Variants in GCFC2 observed in about 807,000 individuals in gnomAD.
GCFC2 encodes intron Large complex component GCFC2.
Under a neutral mutation model 99.4 loss-of-function variants are expected in GCFC2, and 102 were observed. That is an observed-to-expected ratio of 1.03 (90% CI 0.87 to 1.21). GCFC2 has a LOEUF of 1.21. GCFC2 is among the 50% of genes most tolerant of loss of function. The probability of loss-of-function intolerance (pLI) is 0.00; values close to 1 mark genes in which losing one functional copy is unlikely to be tolerated. For synonymous variants in GCFC2, 338 were observed against 316.8 expected, an observed-to-expected ratio of 1.07 and a Z score of -0.71; for missense variants, 973 against 920.9, an observed-to-expected ratio of 1.06 and a Z score of -0.73.
In GCFC2 at chr2:75,669,586, G is replaced by A. The variant is rs543141649; in HGVS notation, c.2103+552C>T. On this transcript the variant is annotated intron_variant, in intron 15 of 16. Transcript: ENST00000321027. The stretch of plus-strand genomic sequence containing the variant: ...TTTTTGGTGTATAGTGAGAGGTGAG[G>A]ACTTAACATTCTTTTTGTAAACAGC... Among the ~76,000 whole-genome samples, 7 of 152,166 alleles carry A rather than the reference G, an allele frequency of 4.6e-5. No individual in the cohort carries two copies. The East Asian group carries it at 9.7e-4, about 21-fold the overall frequency.
At chr2:75,666,089 A>G (rs777906677) in intron 15 of GCFC2, 36 bp from the exon 16 acceptor site, 3 of 1,540,032 alleles carry the variant, frequency 1.9e-6, no homozygotes, top group South Asian at 2.4e-5. Context: ...TTACAATGAC[A>G]GTTATCTAAG....
chr2:75,684,900 T>G (rs1482958144), intron 11 of GCFC2, among the ~76,000 whole-genome samples: 1 of 152,188 alleles, frequency 6.6e-6, no homozygotes, highest in Non-Finnish European at 1.5e-5. Flanking sequence ...GTTTATGTCC[T>G]TTGCAGGGAC....
At chr2:75,666,515 A>G (rs1190941506) in intron 15 of GCFC2, among the ~76,000 whole-genome samples, 4 of 152,168 alleles carry the variant, frequency 2.6e-5, no homozygotes, top group Admixed American at 6.5e-5. Flanking sequence ...ATGAAAGATA[A>G]ATTAATTATG....
intron 12 of GCFC2, among the ~76,000 whole-genome samples, chr2:75,676,954 T>C (rs1255275142): frequency 3.3e-5 from 5 of 152,188 alleles, no homozygotes; most frequent in African/African-American, 1.2e-4. Flanking sequence ...AATAAAAATA[T>C]TGAACAGGGC....
rs1326766595 is a variant in GCFC2, at chr2:75,694,327, T to C, written c.934A>G (p.Ser312Gly). ...CAATTTAGAGCTTGATTTGATGAAC[T>C]CTCTAGGTTCTGGATGGTACTCTTT... ...SSKSTIQNLESSSNQALNCKF... is the reference protein window; with the variant it reads ...SSKSTIQNLEGSSNQALNCKF... Residue 312 changes from serine to glycine, a missense_variant, in exon 6 of 17, where the codon AGT becomes GGT. Physicochemically the swap from Ser to Gly is moderately conservative, Grantham distance 56 (BLOSUM62 0). Coordinates refer to ENST00000321027, the MANE Select transcript of GCFC2 (RefSeq NM_003203.5). 1.4e-6 allele frequency: 2 copies of C among 1,384,826 alleles called. No individual in the cohort carries two copies. Among genetic ancestry groups the C allele is most frequent in the Non-Finnish European group, 2.0e-6 (2 of 987,118 alleles). 85.8% of individuals were successfully genotyped at this position (1,384,826 alleles called of 1,614,324 possible).
At chr2:75,706,079 ATC>A (rs1680850438) in intron 2 of GCFC2, among the ~76,000 whole-genome samples, 1 of 152,216 alleles carries the variant, frequency 6.6e-6, no homozygotes, top group East Asian at 1.9e-4. Flanking sequence ...GCCCTGTATA[ATC>A]TGACTCCAAC....
chr2:75,669,789 A>G (rs1679007092), intron 15 of GCFC2, among the ~76,000 whole-genome samples: 1 of 152,002 alleles, frequency 6.6e-6, no homozygotes, highest in Non-Finnish European at 1.5e-5. Flanking sequence ...CTGGAGTGCA[A>G]TGGCGGCTCA....
chr2:75,689,254 T>A (rs36039114), intron 9 of GCFC2, 29 bp from the exon 10 acceptor site: 18,641 of 1,274,034 alleles, frequency 0.015, 203 homozygotes, highest in South Asian at 0.04. Flanking sequence ...TCTTTATGCA[T>A]TTTAAGTTGT....
chr2:75,696,601 T>A (rs1196860874), intron 4 of GCFC2, among the ~76,000 whole-genome samples: 1 of 152,160 alleles, frequency 6.6e-6, no homozygotes, highest in African/African-American at 2.4e-5. Flanking sequence ...AGTCACCCAG[T>A]TTTTTAAGAA....
upstream of GCFC2, chr2:75,711,077 C>T: frequency 1.5e-6 from 2 of 1,306,600 alleles, no homozygotes; most frequent in South Asian, 4.7e-5. Context: ...GCAAAGCATT[C>T]CCTTTGCCAG....
At chr2:75,689,426 C>T (rs949905171) in intron 9 of GCFC2, among the ~76,000 whole-genome samples, 8 of 152,074 alleles carry the variant, frequency 5.3e-5, no homozygotes, top group South Asian at 2.1e-4. Context: ...CCCTGCTATA[C>T]GCAGAAATAC....
chr2:75,663,407 CCT>C lies in GCFC2; in HGVS notation c.*1257_*1258del, dbSNP rs1478930292. The stretch of plus-strand genomic sequence containing the variant: ...AATTTCTTTTGATTAAATTATCTTG[CCT>C]CTGTTTTATTAGACAAATATTTTAT... On this transcript the variant is annotated 3_prime_UTR_variant, in exon 17 of 17. Transcript: ENST00000321027. 3.9e-5 allele frequency: 6 copies of C among 151,998 alleles called. No individual in the cohort carries two copies. Among genetic ancestry groups the C allele is most frequent in the African/African-American group, 1.2e-4 (5 of 41,402 alleles). The allele number at this position is 151,998 out of a possible 1,614,324, so 9.4% of individuals were successfully genotyped here.
Position 75,688,905 on chromosome 2 carries a change from C to G in GCFC2, c.1539+121G>C, listed in dbSNP as rs1404791109. Reference sequence around the variant, plus strand: ...AAGCACACATTTTCTGACTATTGTTCCAAAGCTCTAAATTTCAGCTCCGAC... The same window carrying G: ...AAGCACACATTTTCTGACTATTGTTGCAAAGCTCTAAATTTCAGCTCCGAC... On this transcript the variant is annotated intron_variant, in intron 10 of 16. Transcript: ENST00000321027. 4 of 604,232 alleles carry G rather than the reference C, an allele frequency of 6.6e-6. No individual in the cohort carries two copies. In the East Asian group the frequency reaches 1.2e-4, roughly 18 times the overall value. 37.4% of individuals were successfully genotyped at this position (604,232 alleles called of 1,614,324 possible).
At position 75,710,631 on chromosome 2, in the gene GCFC2, C is replaced by G; in HGVS notation, c.225G>C (p.Arg75=). 1 of 1,516,324 alleles carries G rather than the reference C, an allele frequency of 6.6e-7. No individual in the cohort carries two copies. The highest frequency in any genetic ancestry group is 8.8e-7 in the Non-Finnish European group (1 of 1,139,102). The allele number at this position is 1,516,324 out of a possible 1,614,324, so 93.9% of individuals were successfully genotyped here. ...CGCGGGGAGCCGCTTTGGTGGCACG[C>G]CGGGAGCTCGCCCAGACCCGGCCCC... ...RGRGRVWASS[R]RATKAAPRAD... Residue 75 remains arginine, a synonymous_variant, in exon 1 of 17, where the codon CGG becomes CGC. Transcript: ENST00000321027.
rs760759540 is a variant in GCFC2, at chr2:75,710,721, C to A, written c.135G>T (p.Pro45=). 1 of 1,552,174 alleles carries A rather than the reference C, an allele frequency of 6.4e-7. No homozygotes were observed. The highest frequency in any genetic ancestry group is 8.7e-7 in the Non-Finnish European group (1 of 1,153,666). ...CCTGCGCGCGGCCTCCTCCAGAGGG[C>A]GGCTCTTCCTCCGCAGAACCCGGGA... ...LPVPGSAEEE[P]PSGGGRAQVA... Residue 45 remains proline (P), a synonymous_variant, in exon 1 of 17, where the codon CCG becomes CCT. Coordinates refer to ENST00000321027, the MANE Select transcript of GCFC2 (RefSeq NM_003203.5).
rs1436609665 is a variant in GCFC2 at position 75,700,379 on chromosome 2, T to C, written c.717+811A>G. On this transcript the variant is annotated intron_variant, in intron 4 of 16. Transcript: ENST00000321027. ...CATAGGGTTCACTACAATAAAAAAT[T>C]ATATGAGAAATCACATAATGAGATT... Among the ~76,000 whole-genome samples, 3 of 152,100 alleles carry C rather than the reference T, an allele frequency of 2.0e-5. No homozygotes were observed. In the South Asian group the frequency reaches 6.2e-4, roughly 31 times the overall value.
Position 75,689,125 on chromosome 2 carries a change from C to T in GCFC2, c.1440G>A (p.Lys480=), listed in dbSNP as rs201167172. 7.5e-6 allele frequency: 12 copies of T among 1,599,070 alleles called. No individual in the cohort carries two copies. The highest frequency in any genetic ancestry group is 1.7e-4 in the Middle Eastern group (1 of 6,022). The change falls in exon 10 of 17, where the codon AAG becomes AAA. Residue 480 remains lysine (K), a synonymous_variant. Transcript: ENST00000321027. ...AAGCTTCATAATAGGAGTCAGGAAA[C>T]TTTTCTCGCCATTGCTGAAATTTCA... is the stretch of plus-strand genomic sequence containing the variant. ...ILLKFQQWRE[K]FPDSYYEAFI... is the part of the protein sequence containing the mutation.
At chr2:75,668,856 C>G (rs932711799) in intron 15 of GCFC2, among the ~76,000 whole-genome samples, 6 of 152,166 alleles carry the variant, frequency 3.9e-5, no homozygotes, top group Non-Finnish European at 7.3e-5. Context: ...AAAATACTCT[C>G]CAAAAGAGCT....
chr2:75,707,049 C>G (rs1286609337), intron 1 of GCFC2, among the ~76,000 whole-genome samples: 3 of 152,070 alleles, frequency 2.0e-5, no homozygotes, highest in African/African-American at 7.2e-5. Context: ...TTATTTAATA[C>G]CTGTAATTCT....
Sources: gnomAD v4.1 joint callset for allele counts (sites outside exome capture counted in the v4.1 genomes callset) on GRCh38, gnomAD v4.1.1 for gene constraint, MANE v1.5 for transcripts, NCBI Gene and HGNC (gene_info 2026-07-23, HGNC 2026-07-21) for gene names.